Variants in TRPM3 observed in about 807,000 individuals in gnomAD.
TRPM3 encodes long transient receptor potential channel 3.
TRPM3 carries 77 observed loss-of-function variants against 181.2 expected under a neutral mutation model. That is an observed-to-expected ratio of 0.42 (90% CI 0.35 to 0.51). TRPM3 has a LOEUF of 0.51. TRPM3 is among the 20% of genes least tolerant of loss of function. TRPM3 has a pLI of 0.01. For synonymous variants in TRPM3, 745 were observed against 796.4 expected (o/e 0.94, Z 1.09); for missense variants, 1,759 against 2,196.7 (o/e 0.80, Z 3.98).
chr9:70,618,221 T>G lies in TRPM3; in HGVS notation c.2358+646A>C, dbSNP rs115372290. On this transcript the variant is annotated intron_variant, in intron 17 of 25. Transcript: ENST00000677713. ...CATCTCTTTCACAGTCCATTCAACC[T>G]CAAAGGTAACCACTGCGGACAATTT... is the stretch of plus-strand genomic sequence containing the variant. Among the ~76,000 whole-genome samples the G allele has an allele frequency of 1.9e-3, 288 of 152,338 alleles. 1 individual carries two copies. Among genetic ancestry groups the G allele is most frequent in the African/African-American group, 6.6e-3 (276 of 41,582 alleles).
intron 6 of TRPM3, among the ~76,000 whole-genome samples, chr9:70,784,731 G>T (rs902794062): frequency 6.6e-6 from 1 of 152,138 alleles, no homozygotes; most frequent in Non-Finnish European, 1.5e-5. Context: ...GTTATCACAG[G>T]GGTAAGAAAA....
At chr9:71,441,224 G>T (rs1237469969) in intron 1 of TRPM3, among the ~76,000 whole-genome samples, 2 of 150,738 alleles carry the variant, frequency 1.3e-5, no homozygotes, top group African/African-American at 4.9e-5. Context: ...ATCAGAAAAT[G>T]GTCTTTTTTT....
At chr9:71,218,850 T>C (rs2131839207) in intron 1 of TRPM3, among the ~76,000 whole-genome samples, 1 of 152,348 alleles carries the variant, frequency 6.6e-6, no homozygotes, top group East Asian at 1.9e-4. Flanking sequence ...CCACAATGGT[T>C]TACCCATCTT....
In TRPM3 at chr9:70,695,658, C is replaced by T. The variant is rs967789140; in HGVS notation, c.1273-14080G>A. ...GAATATGCCTCTATCACAGCACAAA[C>T]GATACCAACATTGGTGACAACATTA... On this transcript the variant is annotated intron_variant, in intron 8 of 25. Coordinates refer to ENST00000677713, the MANE Select transcript of TRPM3 (RefSeq NM_001366145.2). Among the ~76,000 whole-genome samples, 13 of 152,312 alleles carry T rather than the reference C, an allele frequency of 8.5e-5. No individual in the cohort carries two copies. The East Asian group carries it at 1.7e-3, about 20-fold the overall frequency.
At chr9:71,442,768 C>G (rs975866618) in intron 1 of TRPM3, among the ~76,000 whole-genome samples, 1 of 152,148 alleles carries the variant, frequency 6.6e-6, no homozygotes, top group Non-Finnish European at 1.5e-5. Context: ...AAAATACACA[C>G]ATGCTGTGGT....
At chr9:70,974,863 A>ATTTTTT (rs1177545043) in intron 1 of TRPM3, among the ~76,000 whole-genome samples, 2 of 117,980 alleles carry the variant, frequency 1.7e-5, no homozygotes, top group Non-Finnish European at 3.4e-5. Flanking sequence ...TGGAACATCA[A>ATTTTTT]TTTTTTTTTT....
intron 22 of TRPM3, among the ~76,000 whole-genome samples, chr9:70,587,803 C>T (rs1366779722): frequency 6.6e-6 from 1 of 152,160 alleles, no homozygotes; most frequent in Non-Finnish European, 1.5e-5. Context: ...TTCTATATAG[C>T]AAACACGTGA....
At chr9:70,680,859 T>A (rs1341517161) in intron 9 of TRPM3, among the ~76,000 whole-genome samples, 1 of 152,194 alleles carries the variant, frequency 6.6e-6, no homozygotes, top group Non-Finnish European at 1.5e-5. Flanking sequence ...AGGAAACTGC[T>A]CTTCATATGG....
chr9:71,227,108 CAAA>C (rs368727383), intron 1 of TRPM3, among the ~76,000 whole-genome samples: 1 of 40,186 alleles, frequency 2.5e-5, no homozygotes, highest in Non-Finnish European at 4.9e-5. Flanking sequence ...TACTTCATCT[CAAA>C]AAAAAAAAAA....
intron 1 of TRPM3, among the ~76,000 whole-genome samples, chr9:71,261,061 T>C (rs1303252578): frequency 2.6e-5 from 4 of 152,198 alleles, no homozygotes; most frequent in Non-Finnish European, 4.4e-5. Flanking sequence ...CCTTGCTAGG[T>C]TGGGGAAGTT....
chr9:71,024,775 A>G (rs557133578), intron 1 of TRPM3, among the ~76,000 whole-genome samples: 2 of 152,330 alleles, frequency 1.3e-5, no homozygotes, highest in African/African-American at 4.8e-5. Flanking sequence ...TTTATCAGAG[A>G]TGATAGCATA....
chr9:70,764,043 A>C (rs2078640120), intron 7 of TRPM3, among the ~76,000 whole-genome samples: 1 of 152,170 alleles, frequency 6.6e-6, no homozygotes, highest in Admixed American at 6.5e-5. Flanking sequence ...AGAGTGGAAC[A>C]AAATAGGGCT....
chr9:71,333,795 T>C (rs1180228332), intron 1 of TRPM3, among the ~76,000 whole-genome samples: 1 of 151,954 alleles, frequency 6.6e-6, no homozygotes, highest in Non-Finnish European at 1.5e-5. Context: ...AAACAGTAGA[T>C]ACCTAATACA....
chr9:71,244,846 G>A (rs2081943657), intron 1 of TRPM3, among the ~76,000 whole-genome samples: 1 of 152,176 alleles, frequency 6.6e-6, no homozygotes, highest in Non-Finnish European at 1.5e-5. Flanking sequence ...GGATTTGATA[G>A]CACTATACGG....
chr9:71,413,275 T>A (rs1042804506), intron 1 of TRPM3, among the ~76,000 whole-genome samples: 2 of 152,016 alleles, frequency 1.3e-5, no homozygotes, highest in Non-Finnish European at 2.9e-5. Flanking sequence ...AATTTATAAC[T>A]CATATTTATT....
chr9:70,849,335 C>T (rs182891573), intron 3 of TRPM3, among the ~76,000 whole-genome samples: 4 of 152,144 alleles, frequency 2.6e-5, no homozygotes, highest in South Asian at 4.1e-4. Context: ...TTATTATAGA[C>T]GGGGTTTCTT....
intron 9 of TRPM3, among the ~76,000 whole-genome samples, chr9:70,653,320 T>C (rs11142532): frequency 0.17 from 26,008 of 151,786 alleles, 2,556 homozygotes; most frequent in East Asian, 0.4. Flanking sequence ...ATGGAGAGAA[T>C]AGAGGAATGT....
chr9:70,964,913 A>G (rs555463183), intron 1 of TRPM3, among the ~76,000 whole-genome samples: 1 of 152,044 alleles, frequency 6.6e-6, no homozygotes, highest in Non-Finnish European at 1.5e-5. Flanking sequence ...TTTTCTTTGT[A>G]TAATATAATG....
At chr9:70,939,823 A>G (rs922917294) in intron 1 of TRPM3, among the ~76,000 whole-genome samples, 2 of 152,186 alleles carry the variant, frequency 1.3e-5, no homozygotes, top group African/African-American at 4.8e-5. Context: ...AAATTAATTA[A>G]TCCTATTGAT....
Sources: gnomAD v4.1 joint callset for allele counts (sites outside exome capture counted in the v4.1 genomes callset) on GRCh38, gnomAD v4.1.1 for gene constraint, MANE v1.5 for transcripts, NCBI Gene and HGNC (gene_info 2026-07-23, HGNC 2026-07-21) for gene names.